Variants in AFG2A observed in about 807,000 individuals in gnomAD.
AFG2A encodes the protein ATPase family gene 2 protein homolog A.
At chr4:122,929,737 T>C in the AFG2A span, among the ~76,000 whole-genome samples, 1 of 152,002 alleles carries the variant, frequency 6.6e-6, no homozygotes, top group African/African-American at 2.4e-5. Flanking sequence ...TTTTGCATCC[T>C]TTTTTTCAAG....
the AFG2A span, among the ~76,000 whole-genome samples, chr4:123,040,114 G>C: frequency 6.6e-6 from 1 of 151,726 alleles, no homozygotes; most frequent in Admixed American, 6.6e-5. Context: ...GTTTCTGTAG[G>C]GTATACGTAT....
At chr4:123,016,337 C>T in the AFG2A span, among the ~76,000 whole-genome samples, 292 of 147,716 alleles carry the variant, frequency 2.0e-3, 1 homozygote, top group African/African-American at 6.9e-3. Context: ...GGGTGGCTGC[C>T]GGGTGGAGGG....
chr4:123,022,107 C>T, the AFG2A span, among the ~76,000 whole-genome samples: 9 of 151,858 alleles, frequency 5.9e-5, no homozygotes, highest in Non-Finnish European at 1.0e-4. Flanking sequence ...TAGGCATTAC[C>T]ATTCAGGACA....
At chr4:123,130,328 G>T in the AFG2A span, among the ~76,000 whole-genome samples, 2 of 152,198 alleles carry the variant, frequency 1.3e-5, no homozygotes, top group African/African-American at 2.4e-5. Context: ...AGTTCTGTCA[G>T]TTTTGATAAA....
chr4:123,281,375 A>AG, the AFG2A span, among the ~76,000 whole-genome samples: 1 of 152,218 alleles, frequency 6.6e-6, no homozygotes, highest in African/African-American at 2.4e-5. Flanking sequence ...CACTGGATAA[A>AG]GGGGGAAAAA....
chr4:122,986,663 A>T, the AFG2A span, among the ~76,000 whole-genome samples: 1 of 152,180 alleles, frequency 6.6e-6, no homozygotes, highest in Non-Finnish European at 1.5e-5. Flanking sequence ...TCGGGTGATG[A>T]CTGCACCAAA....
chr4:123,185,669 A>G, the AFG2A span, among the ~76,000 whole-genome samples: 1 of 152,194 alleles, frequency 6.6e-6, no homozygotes, highest in Non-Finnish European at 1.5e-5. Context: ...GGCATGATAG[A>G]TATGTTTTTT....
chr4:123,069,802 A>G, the AFG2A span, among the ~76,000 whole-genome samples: 1 of 152,236 alleles, frequency 6.6e-6, no homozygotes, highest in African/African-American at 2.4e-5. Flanking sequence ...TTGAACAACT[A>G]AAACAGTTAA....
the AFG2A span, among the ~76,000 whole-genome samples, chr4:123,021,601 A>G: frequency 6.6e-6 from 1 of 152,230 alleles, no homozygotes. Context: ...AAGCTCTCTC[A>G]GTGTGTCTCA....
At chr4:122,936,003 A>C in the AFG2A span, 2 of 1,294,976 alleles carry the variant, frequency 1.5e-6, no homozygotes, top group Non-Finnish European at 1.0e-6. Flanking sequence ...AAGTAATTTT[A>C]AGTATTATAG....
chr4:123,086,862 C>A, the AFG2A span, among the ~76,000 whole-genome samples: 3 of 152,070 alleles, frequency 2.0e-5, no homozygotes, highest in African/African-American at 2.4e-5. Flanking sequence ...ATTTCTGTTA[C>A]AGTGTTTTTG....
chr4:123,089,623 T>G, the AFG2A span, among the ~76,000 whole-genome samples: 1 of 152,102 alleles, frequency 6.6e-6, no homozygotes, highest in African/African-American at 2.4e-5. Context: ...CTCACTCTGT[T>G]GCCCAGGCTG....
the AFG2A span, among the ~76,000 whole-genome samples, chr4:123,247,160 G>A: frequency 6.6e-6 from 1 of 151,886 alleles, no homozygotes; most frequent in Non-Finnish European, 1.5e-5. Flanking sequence ...TATTGCCCAT[G>A]GTTTCATAAA....
At chr4:123,011,973 G>T in the AFG2A span, among the ~76,000 whole-genome samples, 1,227 of 146,820 alleles carry the variant, frequency 8.4e-3, 19 homozygotes, top group African/African-American at 0.029. Context: ...AAGGGGTGGG[G>T]GTTGCTTGCC....
the AFG2A span, among the ~76,000 whole-genome samples, chr4:123,214,384 C>T: frequency 3.3e-5 from 5 of 151,996 alleles, no homozygotes; most frequent in African/African-American, 7.2e-5. Context: ...GTAAATAAAA[C>T]AGATGACAGA....
chr4:123,087,228 TC>T, the AFG2A span, among the ~76,000 whole-genome samples: 1 of 152,160 alleles, frequency 6.6e-6, no homozygotes, highest in East Asian at 1.9e-4. Context: ...GAAGGAGTGT[TC>T]CATGGTCCTG....
the AFG2A span, among the ~76,000 whole-genome samples, chr4:123,311,626 A>C: frequency 3.1e-4 from 2 of 6,470 alleles, no homozygotes; most frequent in African/African-American, 8.6e-4. Context: ...ACTCTGTCTC[A>C]AAAAAAAAAA....
At chr4:122,964,076 G>A in the AFG2A span, among the ~76,000 whole-genome samples, 2 of 152,106 alleles carry the variant, frequency 1.3e-5, no homozygotes, top group Admixed American at 6.5e-5. Flanking sequence ...CAGTATTTTA[G>A]TAAGGTTGTT....
chr4:123,114,186 G>A, the AFG2A span, among the ~76,000 whole-genome samples: 4 of 152,080 alleles, frequency 2.6e-5, no homozygotes, highest in Admixed American at 2.6e-4. Flanking sequence ...ATGAGCCTCA[G>A]AGGGGAGGAA....
Sources: gnomAD v4.1 joint callset for allele counts (sites outside exome capture counted in the v4.1 genomes callset) on GRCh38, gnomAD v4.1.1 for gene constraint, MANE v1.5 for transcripts, NCBI Gene and HGNC (gene_info 2026-07-23, HGNC 2026-07-21) for gene names.